CNTNAP4: variants seen among roughly 807,000 people sequenced by gnomAD.
The protein encoded by CNTNAP4 is contactin-associated protein-like 4.
CNTNAP4 carries 98 observed loss-of-function variants against 148.4 expected under a neutral mutation model. The ratio of observed to expected loss-of-function variants is 0.66; its 90% confidence interval spans 0.56 to 0.78. The LOEUF (loss-of-function observed/expected upper bound fraction) is 0.78. Among genes scored for constraint, CNTNAP4 ranks in the 30% least tolerant of loss-of-function variants. The pLI is 0.00. For synonymous variants in CNTNAP4, 730 were observed against 565.1 expected (o/e 1.29, Z -4.14); for missense variants, 1,935 against 1,565.6 (o/e 1.24, Z -3.98).
intron 1 of CNTNAP4, among the ~76,000 whole-genome samples, chr16:76,281,820 A>G (rs190525292): frequency 6.6e-6 from 1 of 152,080 alleles, no homozygotes; most frequent in Non-Finnish European, 1.5e-5. Flanking sequence ...AAATTAAAAG[A>G]AGAATTCTTC....
chr16:76,388,111 G>A (rs542582649), intron 3 of CNTNAP4, among the ~76,000 whole-genome samples: 95 of 152,266 alleles, frequency 6.2e-4, no homozygotes, highest in African/African-American at 2.2e-3. Context: ...CCTTAAGTGT[G>A]GGTGGGTTGT....
At chr16:76,318,761 A>G (rs960110523) in intron 2 of CNTNAP4, among the ~76,000 whole-genome samples, 2 of 136,378 alleles carry the variant, frequency 1.5e-5, no homozygotes, top group African/African-American at 5.9e-5. Context: ...AATAATATTC[A>G]TAATAATAAT....
intron 2 of CNTNAP4, among the ~76,000 whole-genome samples, chr16:76,341,791 G>T (rs1402148023): frequency 6.6e-6 from 1 of 152,158 alleles, no homozygotes; most frequent in Non-Finnish European, 1.5e-5. Context: ...CAGTGAGGAT[G>T]TAAAGCAAGA....
At chr16:76,532,802 A>T (rs2084042719) in intron 17 of CNTNAP4, among the ~76,000 whole-genome samples, 1 of 152,136 alleles carries the variant, frequency 6.6e-6, no homozygotes, top group Non-Finnish European at 1.5e-5. Context: ...GAGCCCTGGG[A>T]GCTCACTGAG....
intron 1 of CNTNAP4, among the ~76,000 whole-genome samples, chr16:76,278,377 C>G (rs1468495380): frequency 6.6e-6 from 1 of 152,272 alleles, no homozygotes; most frequent in African/African-American, 2.4e-5. Flanking sequence ...TAAAGGAAAA[C>G]CAGTCAGGTG....
intron 3 of CNTNAP4, among the ~76,000 whole-genome samples, chr16:76,421,357 C>G (rs1033226461): frequency 1.3e-5 from 2 of 151,964 alleles, no homozygotes; most frequent in African/African-American, 4.8e-5. Context: ...CAAAACTTAA[C>G]ATTCTAATTT....
At chr16:76,307,571 A>T (rs1960629870) in intron 1 of CNTNAP4, among the ~76,000 whole-genome samples, 1 of 143,844 alleles carries the variant, frequency 7.0e-6, no homozygotes, top group African/African-American at 2.6e-5. Flanking sequence ...CCCCATAAAG[A>T]TGTTCTTTTC....
chr16:76,450,024 A>C (rs1193904121), intron 7 of CNTNAP4, among the ~76,000 whole-genome samples, 166 bp downstream of exon 7: 1 of 152,192 alleles, frequency 6.6e-6, no homozygotes, highest in Non-Finnish European at 1.5e-5. Flanking sequence ...TTCTATCTGA[A>C]GGAATTATAA....
intron 12 of CNTNAP4, among the ~76,000 whole-genome samples, chr16:76,487,930 A>G (rs971071029): frequency 3.9e-5 from 6 of 152,180 alleles, no homozygotes; most frequent in Non-Finnish European, 2.9e-5. Flanking sequence ...ACTCAGTGTG[A>G]TCCAGAAGGG....
chr16:76,430,755 C>G (rs549355455), intron 4 of CNTNAP4, among the ~76,000 whole-genome samples: 1 of 152,126 alleles, frequency 6.6e-6, no homozygotes, highest in Non-Finnish European at 1.5e-5. Flanking sequence ...TAGCACACCT[C>G]GCAGACTGCT....
intron 2 of CNTNAP4, among the ~76,000 whole-genome samples, chr16:76,342,368 A>G (rs1359548353): frequency 2.6e-5 from 4 of 152,066 alleles, no homozygotes; most frequent in Non-Finnish European, 5.9e-5. Flanking sequence ...AACTGGCATC[A>G]TTAAATGAAA....
chr16:76,366,278 C>T (rs1393726231), intron 3 of CNTNAP4, among the ~76,000 whole-genome samples: 4 of 152,108 alleles, frequency 2.6e-5, no homozygotes, highest in Admixed American at 6.6e-5. Context: ...TCCTCTCTGT[C>T]TTCCCACCCT....
intron 3 of CNTNAP4, among the ~76,000 whole-genome samples, chr16:76,376,089 G>T (rs1301579437): frequency 6.6e-6 from 1 of 152,056 alleles, no homozygotes; most frequent in Non-Finnish European, 1.5e-5. Flanking sequence ...GAGAGAGTTA[G>T]GGGGAGGGAG....
At chr16:76,504,029 G>C (rs1378710332) in intron 15 of CNTNAP4, among the ~76,000 whole-genome samples, 1 of 151,848 alleles carries the variant, frequency 6.6e-6, no homozygotes, top group East Asian at 1.9e-4. Flanking sequence ...TTTATATATA[G>C]ACTGAAAACT....
chr16:76,544,781 T>C (rs2144328722), intron 21 of CNTNAP4, among the ~76,000 whole-genome samples: 1 of 152,324 alleles, frequency 6.6e-6, no homozygotes, highest in African/African-American at 2.4e-5. Flanking sequence ...CTTTTCTATA[T>C]TAGATACGGT....
At chr16:76,447,871 C>G in intron 4 of CNTNAP4, 141 bp from the exon 5 acceptor site, 1 of 619,626 alleles carries the variant, frequency 1.6e-6, no homozygotes, top group South Asian at 2.1e-5. Flanking sequence ...CAGGATATAA[C>G]TCCATCATTA....
intron 2 of CNTNAP4, among the ~76,000 whole-genome samples, chr16:76,326,703 A>G (rs538455694): frequency 0.012 from 1,896 of 152,144 alleles, 53 homozygotes; most frequent in African/African-American, 0.043. Flanking sequence ...CAAGGACAAA[A>G]AAACCAAACA....
chr16:76,479,590 T>C lies in CNTNAP4; in HGVS notation c.1882+52T>C, dbSNP rs376265454. ...GTTAAATTTGCATGCATGTTTTAAATAGGCAAAATTAAAATGAAATAAGCA... is the reference window on the plus strand; with the variant it reads ...GTTAAATTTGCATGCATGTTTTAAACAGGCAAAATTAAAATGAAATAAGCA... On this transcript the variant is annotated intron_variant, in intron 12 of 23. Coordinates refer to ENST00000611870, the MANE Select transcript of CNTNAP4 (RefSeq NM_033401.5). The C allele has an allele frequency of 1.1e-3, 1,683 of 1,556,622 alleles. 2 individuals are homozygous for C. The highest frequency in any genetic ancestry group is 2.6e-3 in the Admixed American group (131 of 49,908).
chr16:76,357,506 C>T (rs542813720), intron 3 of CNTNAP4, among the ~76,000 whole-genome samples: 2 of 152,302 alleles, frequency 1.3e-5, no homozygotes, highest in East Asian at 1.9e-4. Flanking sequence ...TGGCGTCTAT[C>T]ATAATCCTGT....
Sources: allele counts gnomAD v4.1 joint callset (sites outside exome capture counted in the v4.1 genomes callset), GRCh38; gene constraint gnomAD v4.1.1; transcripts MANE v1.5; gene names NCBI Gene and HGNC (gene_info 2026-07-23, HGNC 2026-07-21).